The following ACBD5 variants were observed in gnomAD, a reference collection of about 807,000 sequenced individuals.
ACBD5 encodes acyl-CoA binding domain containing 5, also known as acyl-CoA-binding domain-containing protein 5.
Under a neutral mutation model 71.8 loss-of-function variants are expected in ACBD5, and 40 were observed. The ratio of observed to expected loss-of-function variants is 0.56; its 90% CI spans 0.43 to 0.72. The LOEUF is 0.72. ACBD5 is among the 30% of genes least tolerant of loss of function. The pLI is 0.00. For missense variants in ACBD5, 559 were observed against 644.5 expected (o/e 0.87, Z 1.44); for synonymous variants, 229 against 218.6 (o/e 1.05, Z -0.42).
intron 4 of ACBD5, among the ~76,000 whole-genome samples, chr10:27,223,746 A>T (rs1350717056): frequency 6.6e-6 from 1 of 151,882 alleles, no homozygotes; most frequent in African/African-American, 2.4e-5. Flanking sequence ...TCTCTTAAAA[A>T]TTTTTTAAAA....
chr10:27,225,508 T>G (rs887803167), intron 4 of ACBD5, among the ~76,000 whole-genome samples: 7 of 152,224 alleles, frequency 4.6e-5, no homozygotes, highest in African/African-American at 1.7e-4. Flanking sequence ...ATTTTACAGC[T>G]TGTAGTAAAT....
At chr10:27,232,880 A>C (rs916948478) in intron 3 of ACBD5, among the ~76,000 whole-genome samples, 2 of 152,208 alleles carry the variant, frequency 1.3e-5, no homozygotes, top group African/African-American at 2.4e-5. Flanking sequence ...TCTAGGGGAA[A>C]AACATGAAGC....
rs192490283 is a variant in ACBD5, at chr10:27,212,757, C to T, written c.937-1676G>A. Among the ~76,000 whole-genome samples, 209 of 152,126 alleles carry T rather than the reference C, an allele frequency of 1.4e-3. 2 individuals are homozygous for T. The highest frequency in any genetic ancestry group is 7.5e-4 in the Non-Finnish European group (51 of 68,016). ...AGAGACGGGGTTTTGCCATGTTGCT[C>T]ACGCGGCTCTGAAACTTGTGAGCTC... On this transcript the variant is annotated intron_variant, in intron 8 of 12. Transcript: ENST00000396271.
At chr10:27,198,150 G>A (rs2059546481) in intron 12 of ACBD5, among the ~76,000 whole-genome samples, 1 of 152,186 alleles carries the variant, frequency 6.6e-6, no homozygotes, top group South Asian at 2.1e-4. Context: ...CATGGATTAT[G>A]TTTCTATTAC....
upstream of ACBD5, among the ~76,000 whole-genome samples, chr10:27,241,440 C>G (rs1467075867): frequency 2.6e-5 from 4 of 152,146 alleles, no homozygotes; most frequent in Admixed American, 2.6e-4. Context: ...CAAGAACGTC[C>G]GAGGAGCAGC....
At chr10:27,234,510 A>AG (rs397960153) in intron 3 of ACBD5, among the ~76,000 whole-genome samples, 6 of 137,014 alleles carry the variant, frequency 4.4e-5, no homozygotes, top group East Asian at 2.2e-4. Context: ...AAAAAAAAAA[A>AG]GGGAAAACTC....
downstream of ACBD5, among the ~76,000 whole-genome samples, chr10:27,194,042 G>T (rs2059194724): frequency 1.3e-5 from 2 of 151,906 alleles, no homozygotes. Flanking sequence ...CCTGAGGTTG[G>T]GAGTTCAAGA....
chr10:27,237,862 G>A (rs1554868512), intron 2 of ACBD5, among the ~76,000 whole-genome samples: 1 of 152,012 alleles, frequency 6.6e-6, no homozygotes, highest in Non-Finnish European at 1.5e-5. Context: ...CTCAGGGCCT[G>A]CCTCGATCTC....
chr10:27,237,952 AATTTT>A (rs1564733847), intron 2 of ACBD5, among the ~76,000 whole-genome samples: 2 of 144,886 alleles, frequency 1.4e-5, no homozygotes, highest in African/African-American at 2.6e-5. Context: ...AATTTAATTT[AATTTT>A]ATTTTATTTT....
chr10:27,241,975 G>A, upstream of ACBD5: 2 of 442,076 alleles, frequency 4.5e-6, no homozygotes, highest in South Asian at 3.1e-5. Context: ...TCAGTTAGGG[G>A]GATGGGTTAG....
rs2059398360 is a variant in ACBD5, at chr10:27,196,511, C to A, written c.*919G>T. 4.4e-6 allele frequency: 2 copies of A among 453,758 alleles called. No individual in the cohort carries two copies. The highest frequency in any genetic ancestry group is 8.8e-6 in the Non-Finnish European group (2 of 226,702). 28.1% of individuals were successfully genotyped at this position (453,758 alleles called of 1,614,324 possible). A position where few individuals can be genotyped will look rare whatever the true frequency, so the allele number is the denominator to read the frequency against. ...CTGAGGCACTAAGAGGTTAAGAGTC[C>A]AGTCTATATAGTTCATCAGTTGCAG... On this transcript the variant is annotated 3_prime_UTR_variant, in exon 13 of 13. Coordinates refer to ENST00000396271, the MANE Select transcript of ACBD5 (RefSeq NM_145698.5).
chr10:27,226,637 T>C (rs935502815), intron 4 of ACBD5, among the ~76,000 whole-genome samples: 1 of 83,064 alleles, frequency 1.2e-5, no homozygotes, highest in Non-Finnish European at 2.6e-5. Context: ...TAAACTTTCT[T>C]TTTTTTTTTT....
chr10:27,184,366 A>T (rs1405109196), intron 13 of ACBD5, among the ~76,000 whole-genome samples: 2 of 152,104 alleles, frequency 1.3e-5, no homozygotes, highest in Non-Finnish European at 2.9e-5. Flanking sequence ...TAGCTTTTTC[A>T]AGGCACTTCA....
intron 8 of ACBD5, among the ~76,000 whole-genome samples, chr10:27,212,074 C>T (rs2061144328): frequency 6.6e-6 from 1 of 152,206 alleles, no homozygotes; most frequent in African/African-American, 2.4e-5. Flanking sequence ...AAGGGGCCGG[C>T]ATGGTGGCTC....
chr10:27,186,252 C>A, intron 13 of ACBD5: 2 of 973,332 alleles, frequency 2.1e-6, no homozygotes, highest in African/African-American at 1.6e-5. Flanking sequence ...AAACAAATGT[C>A]TGTGAAACTG....
Position 27,196,785 on chromosome 10 carries a change from G to T in ACBD5, c.*645C>A, listed in dbSNP as rs58351748. ...TCCATCAGTGGGTTATGTCTAGCCTGCAAATCATTTGTAAAAACTCAGTCT... is the reference window on the plus strand; with the variant it reads ...TCCATCAGTGGGTTATGTCTAGCCTTCAAATCATTTGTAAAAACTCAGTCT... On this transcript the variant is annotated 3_prime_UTR_variant, in exon 13 of 13. Coordinates refer to ENST00000396271, the MANE Select transcript of ACBD5 (RefSeq NM_145698.5). 4.8e-4 allele frequency: 216 copies of T among 454,146 alleles called. No homozygotes were observed. The highest frequency in any genetic ancestry group is 4.0e-3 in the African/African-American group (198 of 50,094). 28.1% of individuals were successfully genotyped at this position (454,146 alleles called of 1,614,324 possible).
At chr10:27,193,202 C>T (rs941374489), downstream of ACBD5, among the ~76,000 whole-genome samples, 2 of 132,922 alleles carry the variant, frequency 1.5e-5, no homozygotes, top group East Asian at 2.3e-4. Flanking sequence ...TGGAGTGCAG[C>T]GGCAAGTTAA....
At chr10:27,239,724 C>T (rs980278964) in intron 2 of ACBD5, among the ~76,000 whole-genome samples, 4 of 140,786 alleles carry the variant, frequency 2.8e-5, no homozygotes, top group Non-Finnish European at 4.6e-5. Flanking sequence ...CATTAGGCAT[C>T]CCCAGCCTAG....
At chr10:27,239,363 G>C (rs917107972) in intron 2 of ACBD5, among the ~76,000 whole-genome samples, 24 of 152,080 alleles carry the variant, frequency 1.6e-4, no homozygotes, top group African/African-American at 5.8e-4. Context: ...AATTCAAAAA[G>C]CTCTGCAAAT....
Sources: gnomAD v4.1 joint callset for allele counts (sites outside exome capture counted in the v4.1 genomes callset) on GRCh38, gnomAD v4.1.1 for gene constraint, MANE v1.5 for transcripts, NCBI Gene and HGNC (gene_info 2026-07-23, HGNC 2026-07-21) for gene names.